Variants in CPT1A observed in about 807,000 individuals in gnomAD.
CPT1A encodes the protein carnitine palmitoyltransferase 1A.
In CPT1A, 64 loss-of-function variants were observed where a neutral mutation model predicts 100.8. The ratio of observed to expected loss-of-function variants is 0.63; its 90% confidence interval spans 0.52 to 0.78. The LOEUF (loss-of-function observed/expected upper bound fraction) is 0.78, where lower values mean the gene tolerates loss of function less well. Among genes scored for constraint, CPT1A ranks in the 30% least tolerant of loss-of-function variants. The pLI is 0.00. For missense variants in CPT1A, 802 were observed against 1,034.1 expected, an observed-to-expected ratio of 0.78 and a Z score of 3.08; for synonymous variants, 363 against 396.0, an observed-to-expected ratio of 0.92 and a Z score of 0.99.
intron 1 of CPT1A, among the ~76,000 whole-genome samples, chr11:68,816,633 C>T (rs1856398001): frequency 6.6e-6 from 1 of 152,232 alleles, no homozygotes; most frequent in African/African-American, 2.4e-5. Context: ...GGTGGTGGCT[C>T]CTGCCCTTCT....
At chr11:68,799,086 A>G (rs1347579988) in intron 6 of CPT1A, 132 bp downstream of exon 6, 3 of 776,888 alleles carry the variant, frequency 3.9e-6, no homozygotes, top group Non-Finnish European at 6.6e-6. Flanking sequence ...AGGTAAAACT[A>G]TAGCTGGAAC....
intron 1 of CPT1A, among the ~76,000 whole-genome samples, chr11:68,831,666 C>G (rs1318197559): frequency 6.9e-6 from 1 of 144,554 alleles, no homozygotes; most frequent in African/African-American, 2.6e-5. Context: ...CGAAGTTTTG[C>G]TCCATCACCC....
chr11:68,790,806 ATTTAT>A lies in CPT1A; in HGVS notation c.967+2504_967+2508del, dbSNP rs1289986973. Among the ~76,000 whole-genome samples the A allele has an allele frequency of 1.8e-4, 27 of 151,954 alleles. No homozygotes were observed. In the East Asian group the frequency reaches 1.9e-3, roughly 11 times the overall value. On this transcript the variant is annotated intron_variant, in intron 9 of 18. Coordinates refer to ENST00000265641, the MANE Select transcript of CPT1A (RefSeq NM_001876.4). The stretch of plus-strand genomic sequence containing the variant: ...ATCCCAGCATTTCCCTTGTTTATTG[ATTTAT>A]TTTATTTTTATTTCATATACATATT...
chr11:68,825,886 T>C (rs1856713905), intron 1 of CPT1A, among the ~76,000 whole-genome samples: 3 of 152,212 alleles, frequency 2.0e-5, no homozygotes, highest in Admixed American at 6.5e-5. Context: ...GCCGGGGGAC[T>C]GCAGAAGACA....
At chr11:68,774,727 A>C (rs1278714755) in intron 13 of CPT1A, among the ~76,000 whole-genome samples, 4 of 146,346 alleles carry the variant, frequency 2.7e-5, no homozygotes, top group Non-Finnish European at 4.5e-5. Context: ...GGTTGCAGTG[A>C]GCTGAGATCG....
rs370181471 is a variant in CPT1A at position 68,799,211 on chromosome 11, G to A, written c.693+7C>T. ...TTCATCAAGAAAAACTGTGTATACA[G>A]ACTTACGTAATTTGTAGCCCACCAG... On this transcript the variant is annotated splice_region_variant and intron_variant, in intron 6 of 18. Transcript: ENST00000265641. 69 of 1,612,748 alleles carry A rather than the reference G, an allele frequency of 4.3e-5. No individual in the cohort carries two copies. In the African/African-American group the frequency reaches 7.3e-4, roughly 17 times the overall value.
intron 1 of CPT1A, among the ~76,000 whole-genome samples, chr11:68,840,818 GC>G (rs1857140469): frequency 6.6e-6 from 1 of 152,238 alleles, no homozygotes; most frequent in Admixed American, 6.5e-5. Context: ...GCCCCGCGTG[GC>G]CCTGACCGCA....
intron 1 of CPT1A, among the ~76,000 whole-genome samples, chr11:68,824,948 G>A (rs1170784181): frequency 1.3e-5 from 2 of 151,940 alleles, no homozygotes; most frequent in Admixed American, 1.3e-4. Context: ...ACAGACACCC[G>A]ACACTGCACC....
chr11:68,841,267 G>C lies in CPT1A; in HGVS notation c.-14+508C>G, dbSNP rs1297224840. ...CTCCAGAGCCAGGGTGGGATGGGCA[G>C]GGACAGGAGCCGGAGGCCCTACTGG... is the stretch of plus-strand genomic sequence containing the variant. On this transcript the variant is annotated intron_variant, in intron 1 of 18. Coordinates refer to ENST00000265641, the MANE Select transcript of CPT1A (RefSeq NM_001876.4). The surrounding 1 kb of genome is among the most constrained non-coding windows in gnomAD (Gnocchi z 6.3). Among the ~76,000 whole-genome samples, 1 of 151,954 alleles carries C rather than the reference G, an allele frequency of 6.6e-6. No homozygotes were observed. The highest frequency in any genetic ancestry group is 1.5e-5 in the Non-Finnish European group (1 of 67,956).
intron 16 of CPT1A, 60 bp from the exon 17 acceptor site, chr11:68,760,398 G>T: frequency 1.5e-6 from 2 of 1,356,312 alleles, no homozygotes; most frequent in Non-Finnish European, 2.1e-6. Flanking sequence ...CTCAGGAGTC[G>T]CTTTGGGAAG....
chr11:68,771,580 C>A (rs1385175284), intron 14 of CPT1A, among the ~76,000 whole-genome samples: 1 of 152,174 alleles, frequency 6.6e-6, no homozygotes, highest in Non-Finnish European at 1.5e-5. Context: ...GGTACTCTGC[C>A]CAGCTGCTTC....
rs551562713 is a variant in CPT1A, at chr11:68,804,340, C to T, written c.454-239G>A. ...TTTTTCATCTGGTCCATCTTTTACC[C>T]GCCCCATACTTACAGGTTCTAGCAA... On this transcript the variant is annotated intron_variant, in intron 4 of 18. Transcript: ENST00000265641. 7.2e-5 allele frequency among the ~76,000 whole-genome samples: 11 copies of T among 152,280 alleles called. 1 individual carries two copies. Among genetic ancestry groups the T allele is most frequent in the South Asian group, 6.2e-4 (3 of 4,828 alleles).
intron 14 of CPT1A, among the ~76,000 whole-genome samples, chr11:68,769,052 A>G (rs1854908446): frequency 6.6e-6 from 1 of 152,132 alleles, no homozygotes; most frequent in African/African-American, 2.4e-5. Flanking sequence ...TCTCTTGTGA[A>G]CCACAGTTTC....
intron 4 of CPT1A, among the ~76,000 whole-genome samples, chr11:68,806,157 A>G (rs1856040227): frequency 6.6e-6 from 1 of 151,902 alleles, no homozygotes; most frequent in Non-Finnish European, 1.5e-5. Flanking sequence ...CTAGGATTAC[A>G]GGCATGCACC....
At chr11:68,782,064 G>A (rs1000695221) in intron 10 of CPT1A, 105 bp from the exon 11 acceptor site, 35 of 1,101,990 alleles carry the variant, frequency 3.2e-5, no homozygotes, top group South Asian at 9.3e-5. Context: ...AGAATTTCTC[G>A]AAGGAAAACT....
intron 13 of CPT1A, among the ~76,000 whole-genome samples, chr11:68,774,713 C>G (rs573163085): frequency 6.9e-6 from 1 of 143,990 alleles, no homozygotes; most frequent in African/African-American, 2.6e-5. Context: ...ACCTGGGAGG[C>G]AGAGGTTGCA....
chr11:68,776,126 C>G (rs143319875), intron 12 of CPT1A, among the ~76,000 whole-genome samples: 1 of 152,188 alleles, frequency 6.6e-6, no homozygotes, highest in Non-Finnish European at 1.5e-5. Flanking sequence ...CAGGCAGGCG[C>G]GGTGCCTCAC....
intron 9 of CPT1A, among the ~76,000 whole-genome samples, chr11:68,787,086 T>C (rs936891406): frequency 1.3e-5 from 2 of 152,166 alleles, no homozygotes; most frequent in African/African-American, 4.8e-5. Flanking sequence ...TTTGCAGCTA[T>C]GATTAGCATG....
intron 18 of CPT1A, among the ~76,000 whole-genome samples, chr11:68,759,127 C>A (rs1314805122): frequency 1.3e-5 from 2 of 151,900 alleles, no homozygotes; most frequent in Non-Finnish European, 2.9e-5. Context: ...GGCGCGGTGG[C>A]TCATGCCTGT....
Sources: gnomAD v4.1 joint callset for allele counts (sites outside exome capture counted in the v4.1 genomes callset) on GRCh38, gnomAD v4.1.1 for gene constraint, Gnocchi (gnomAD v3.1) non-coding constraint, MANE v1.5 for transcripts, NCBI Gene and HGNC (gene_info 2026-07-23, HGNC 2026-07-21) for gene names.